KDM4C: variants seen among roughly 807,000 people sequenced by gnomAD.
KDM4C encodes lysine-specific demethylase 4C.
A neutral mutation model predicts 129.3 loss-of-function variants in KDM4C; 81 were observed. The observed-to-expected ratio is 0.63, with a 90% CI of 0.52 to 0.75. The LOEUF is 0.75. Ranked by LOEUF, KDM4C falls within the 30% of genes least tolerant of loss-of-function variation. The pLI is 0.00. For synonymous variants in KDM4C, 573 were observed against 456.1 expected (o/e 1.26, Z -3.26); for missense variants, 1,457 against 1,304.0 (o/e 1.12, Z -1.81).
chr9:6,796,361 C>A (rs1827760606), intron 2 of KDM4C, among the ~76,000 whole-genome samples: 1 of 152,190 alleles, frequency 6.6e-6, no homozygotes, highest in Admixed American at 6.5e-5. Flanking sequence ...AGGATAATCA[C>A]TTGAACCCGG....
chr9:6,787,536 G>A (rs1234633334), intron 1 of KDM4C, among the ~76,000 whole-genome samples: 1 of 152,222 alleles, frequency 6.6e-6, no homozygotes. Flanking sequence ...CCCAGGCCCA[G>A]AGCCATTCTT....
At chr9:6,848,671 G>GA (rs533953426) in intron 4 of KDM4C, among the ~76,000 whole-genome samples, 1,845 of 143,652 alleles carry the variant, frequency 0.013, 38 homozygotes, top group African/African-American at 0.043. Context: ...TGTCTCAGGG[G>GA]AAAAAAAAAA....
At chr9:6,882,036 A>G (rs916874635) in intron 6 of KDM4C, among the ~76,000 whole-genome samples, 11 of 152,208 alleles carry the variant, frequency 7.2e-5, no homozygotes, top group Non-Finnish European at 1.6e-4. Context: ...TTTGGTTTCT[A>G]TTGAAATCTT....
chr9:7,067,702 T>A (rs1001504452), intron 17 of KDM4C, among the ~76,000 whole-genome samples: 22 of 152,236 alleles, frequency 1.4e-4, no homozygotes, highest in African/African-American at 7.2e-5. Context: ...AAAATATTTT[T>A]AAAAACCGAA....
At chr9:7,099,530 GAAAA>G (rs962983688) in intron 17 of KDM4C, among the ~76,000 whole-genome samples, 2 of 152,166 alleles carry the variant, frequency 1.3e-5, no homozygotes, top group East Asian at 3.9e-4. Flanking sequence ...AAGAATAGGT[GAAAA>G]AAAATCATTG....
intron 19 of KDM4C, among the ~76,000 whole-genome samples, chr9:7,147,961 A>G (rs933506700): frequency 6.6e-6 from 1 of 152,106 alleles, no homozygotes; most frequent in Non-Finnish European, 1.5e-5. Flanking sequence ...GGCTCATGCT[A>G]CTGGCCCGGA....
intron 19 of KDM4C, among the ~76,000 whole-genome samples, chr9:7,137,672 A>G (rs928948035): frequency 6.6e-6 from 1 of 152,218 alleles, no homozygotes; most frequent in Non-Finnish European, 1.5e-5. Flanking sequence ...TTCTGCATAC[A>G]ATTTCTGAAA....
At chr9:7,143,332 C>G (rs1841937888) in intron 19 of KDM4C, among the ~76,000 whole-genome samples, 1 of 152,228 alleles carries the variant, frequency 6.6e-6, no homozygotes, top group Non-Finnish European at 1.5e-5. Flanking sequence ...AATTGACCAA[C>G]TATTCAGTGT....
At position 6,860,349 on chromosome 9, in the gene KDM4C, G is replaced by A. The variant is rs140113469; in HGVS notation, c.629+10649G>A. On this transcript the variant is annotated intron_variant, in intron 5 of 21. Transcript: ENST00000381309. ...TTGAAGGATTGAGTTATGTCTTGAC[G>A]GAGGGTTTTGTTTCTCTCTAGGGAA... Among the ~76,000 whole-genome samples the A allele has an allele frequency of 8.2e-4, 125 of 152,234 alleles. 1 individual carries two copies. In the East Asian group the frequency reaches 0.018, roughly 21 times the overall value.
intron 8 of KDM4C, among the ~76,000 whole-genome samples, chr9:6,921,594 A>G (rs1370220766): frequency 6.6e-6 from 1 of 152,234 alleles, no homozygotes; most frequent in Non-Finnish European, 1.5e-5. Flanking sequence ...TGGCTATGCC[A>G]GTGGGTTTCA....
chr9:7,033,143 ATT>A (rs539641712), intron 15 of KDM4C, among the ~76,000 whole-genome samples: 17 of 137,232 alleles, frequency 1.2e-4, no homozygotes, highest in African/African-American at 1.4e-4. Context: ...TTTATGCTGG[ATT>A]TTTTTTTTTT....
At chr9:6,828,444 G>A (rs1264478658) in intron 4 of KDM4C, among the ~76,000 whole-genome samples, 7 of 152,084 alleles carry the variant, frequency 4.6e-5, no homozygotes, top group Admixed American at 4.6e-4. Flanking sequence ...ACCGTGCCCG[G>A]CCATCTCTGG....
intron 14 of KDM4C, 82 bp downstream of exon 14, chr9:7,014,083 A>T (rs1823203374): frequency 9.1e-7 from 1 of 1,093,708 alleles, no homozygotes; most frequent in Admixed American, 2.0e-5. Context: ...GGAACCTGTC[A>T]GATCTGTTGC....
intron 15 of KDM4C, among the ~76,000 whole-genome samples, chr9:7,038,850 T>C (rs1466308588): frequency 6.6e-6 from 1 of 152,066 alleles, no homozygotes; most frequent in Non-Finnish European, 1.5e-5. Context: ...TCATTTTCTT[T>C]ATTCTTGAGG....
intron 17 of KDM4C, among the ~76,000 whole-genome samples, chr9:7,094,655 C>T (rs889005790): frequency 2.0e-5 from 3 of 152,330 alleles, no homozygotes; most frequent in East Asian, 3.9e-4. Context: ...TAACTCTTCT[C>T]ACAGCTGCAG....
intron 15 of KDM4C, among the ~76,000 whole-genome samples, chr9:7,032,237 C>G (rs544697062): frequency 6.6e-6 from 1 of 152,362 alleles, no homozygotes; most frequent in South Asian, 2.1e-4. Context: ...AGCAACCTAA[C>G]TCCATTCAGT....
chr9:7,153,349 C>G (rs989732738), intron 19 of KDM4C, among the ~76,000 whole-genome samples: 1 of 152,106 alleles, frequency 6.6e-6, no homozygotes, highest in Non-Finnish European at 1.5e-5. Flanking sequence ...CAGAGTAGCC[C>G]CCTTGAGAGG....
At chr9:6,736,975 T>TG (rs1231137889) in intron 1 of KDM4C, among the ~76,000 whole-genome samples, 1 of 135,110 alleles carries the variant, frequency 7.4e-6, no homozygotes, top group Non-Finnish European at 1.5e-5. Context: ...CGCTTGAACC[T>TG]GGGAGGGGGA....
intron 8 of KDM4C, among the ~76,000 whole-genome samples, chr9:6,923,759 ATTGT>A (rs1259365313): frequency 2.0e-5 from 3 of 152,142 alleles, no homozygotes; most frequent in Non-Finnish European, 4.4e-5. Context: ...TGTTGTCATT[ATTGT>A]TTGTTTGATT....
Sources: allele counts gnomAD v4.1 joint callset (sites outside exome capture counted in the v4.1 genomes callset), GRCh38; gene constraint gnomAD v4.1.1; transcripts MANE v1.5; gene names NCBI Gene and HGNC (gene_info 2026-07-23, HGNC 2026-07-21).